The following COMMD10 variants were observed in gnomAD, a reference collection of about 807,000 sequenced individuals.
The protein encoded by COMMD10 is COMM domain containing 10.
In COMMD10, 33 loss-of-function variants were observed where a neutral mutation model predicts 28.9. The ratio of observed to expected loss-of-function variants is 1.14; its 90% CI spans 0.87 to 1.53. The LOEUF (loss-of-function observed/expected upper bound fraction) is 1.53, where lower values mean the gene tolerates loss of function less well. Among genes scored for constraint, COMMD10 ranks in the 40% most tolerant of loss-of-function variants. The pLI is 0.00. For missense variants in COMMD10, 310 were observed against 233.4 expected (o/e 1.33, Z -2.14); for synonymous variants, 110 against 81.7 (o/e 1.35, Z -1.87).
At chr5:116,239,987 G>T (rs190933479) in intron 5 of COMMD10, among the ~76,000 whole-genome samples, 3 of 152,202 alleles carry the variant, frequency 2.0e-5, no homozygotes, top group African/African-American at 7.2e-5. Flanking sequence ...TAGTCTCAGA[G>T]TAGAAGAGTT....
intron 5 of COMMD10, among the ~76,000 whole-genome samples, chr5:116,187,704 G>A (rs758799519): frequency 9.2e-5 from 14 of 152,024 alleles, no homozygotes; most frequent in South Asian, 2.1e-4. Flanking sequence ...TATAGTTTGT[G>A]TTTAACTGAG....
At chr5:116,260,813 C>A (rs1424516977) in intron 5 of COMMD10, among the ~76,000 whole-genome samples, 2 of 151,620 alleles carry the variant, frequency 1.3e-5, no homozygotes, top group Non-Finnish European at 2.9e-5. Flanking sequence ...TATTTTGAAA[C>A]AAAGTTTGCT....
chr5:116,206,681 T>A (rs1280300809), intron 5 of COMMD10, among the ~76,000 whole-genome samples: 1 of 151,900 alleles, frequency 6.6e-6, no homozygotes, highest in African/African-American at 2.4e-5. Context: ...AAGAAAAAAA[T>A]TGGAGACAGC....
At position 116,125,974 on chromosome 5, in the gene COMMD10, G is replaced by C. The variant is rs548342399; in HGVS notation, c.400-8094G>C. ...AATAAAGGGTATTCAGTTAGGAAAA[G>C]AAGAAGTCAAATTTTCCCTGTTTGC... is the stretch of plus-strand genomic sequence containing the variant. On this transcript the variant is annotated intron_variant, in intron 4 of 6. Coordinates refer to ENST00000274458, the MANE Select transcript of COMMD10 (RefSeq NM_016144.4). Among the ~76,000 whole-genome samples, 7 of 152,306 alleles carry C rather than the reference G, an allele frequency of 4.6e-5. No individual in the cohort carries two copies. The East Asian group carries it at 1.2e-3, about 25-fold the overall frequency.
At chr5:116,254,724 G>A (rs553267316) in intron 5 of COMMD10, among the ~76,000 whole-genome samples, 1 of 151,832 alleles carries the variant, frequency 6.6e-6, no homozygotes, top group Admixed American at 6.6e-5. Context: ...CCAAGTATGT[G>A]GTCAGTTTTG....
chr5:116,086,860 C>G (rs868200065), intron 1 of COMMD10, among the ~76,000 whole-genome samples: 5 of 152,160 alleles, frequency 3.3e-5, no homozygotes, highest in African/African-American at 9.7e-5. Context: ...GCATGTAGTT[C>G]TAGCTACTTG....
chr5:116,102,683 A>T (rs555809632), intron 4 of COMMD10, among the ~76,000 whole-genome samples: 8 of 152,234 alleles, frequency 5.3e-5, no homozygotes, highest in Non-Finnish European at 8.8e-5. Context: ...TTTTATTATT[A>T]TGTTTTAAGT....
At chr5:116,101,969 C>G (rs1750680139) in intron 4 of COMMD10, among the ~76,000 whole-genome samples, 1 of 152,148 alleles carries the variant, frequency 6.6e-6, no homozygotes, top group African/African-American at 2.4e-5. Flanking sequence ...GGTCCTCTGT[C>G]AGGTGCATAG....
At chr5:116,171,524 C>G (rs886932832) in intron 5 of COMMD10, among the ~76,000 whole-genome samples, 1 of 152,126 alleles carries the variant, frequency 6.6e-6, no homozygotes, top group East Asian at 1.9e-4. Context: ...AAGACACATG[C>G]ACGTGTATGT....
At chr5:116,251,071 C>G (rs1239146838) in intron 5 of COMMD10, among the ~76,000 whole-genome samples, 2 of 151,932 alleles carry the variant, frequency 1.3e-5, no homozygotes, top group Non-Finnish European at 2.9e-5. Flanking sequence ...GTGCACAGAG[C>G]TCCTAGTTAA....
chr5:116,102,681 T>C (rs1750703063), intron 4 of COMMD10, among the ~76,000 whole-genome samples: 1 of 152,190 alleles, frequency 6.6e-6, no homozygotes, highest in African/African-American at 2.4e-5. Flanking sequence ...CTTTTTATTA[T>C]TATGTTTTAA....
intron 3 of COMMD10, 79 bp downstream of exon 3, chr5:116,091,268 G>C (rs1221093966): frequency 1.6e-6 from 1 of 622,648 alleles, no homozygotes; most frequent in Non-Finnish European, 2.6e-6. Context: ...ATGACATTCT[G>C]TTTTTTTTAA....
chr5:116,085,306 G>T, intron 1 of COMMD10: 1 of 570,664 alleles, frequency 1.8e-6, no homozygotes. Flanking sequence ...CACCTGTGGG[G>T]CTCACAGTGC....
intron 5 of COMMD10, among the ~76,000 whole-genome samples, chr5:116,151,342 C>G (rs1007411618): frequency 2.0e-5 from 3 of 151,806 alleles, no homozygotes; most frequent in African/African-American, 7.3e-5. Context: ...TGTCTCTGCC[C>G]AGCTTTGGTA....
At chr5:116,270,645 A>G (rs1243091546) in intron 5 of COMMD10, among the ~76,000 whole-genome samples, 5 of 151,936 alleles carry the variant, frequency 3.3e-5, no homozygotes, top group African/African-American at 1.2e-4. Flanking sequence ...TAAAGGTTAT[A>G]TATAAATTAG....
chr5:116,255,762 G>GA (rs1395566072), intron 5 of COMMD10: 5 of 133,450 alleles, frequency 3.7e-5, no homozygotes. Context: ...TATCTTACAG[G>GA]CAAAAAAGAT....
At position 116,292,769 on chromosome 5, in the gene COMMD10, A is replaced by G. The variant is rs750802534; in HGVS notation, c.*280A>G. 3 of 404,554 alleles carry G rather than the reference A, an allele frequency of 7.4e-6. No individual in the cohort carries two copies. The highest frequency in any genetic ancestry group is 1.3e-5 in the Non-Finnish European group (3 of 229,676). The allele number at this position is 404,554 out of a possible 1,614,324, so 25.1% of individuals were successfully genotyped here. A position where few individuals can be genotyped will look rare whatever the true frequency, so the allele number is the denominator to read the frequency against. The stretch of plus-strand genomic sequence containing the variant: ...AATACCATATTGTTTTTACTGTCAT[A>G]GTGTTGCTTTCTTGCCTGTCCTGCT... On this transcript the variant is annotated 3_prime_UTR_variant, in exon 7 of 7. Coordinates refer to ENST00000274458, the MANE Select transcript of COMMD10 (RefSeq NM_016144.4).
chr5:116,101,667 C>A (rs564725616), intron 4 of COMMD10, among the ~76,000 whole-genome samples: 1 of 152,096 alleles, frequency 6.6e-6, no homozygotes, highest in South Asian at 2.1e-4. Context: ...CCTTGTGATC[C>A]GCTTGCCTCA....
chr5:116,180,895 C>T (rs1001034256), intron 5 of COMMD10, among the ~76,000 whole-genome samples: 1 of 152,168 alleles, frequency 6.6e-6, no homozygotes, highest in East Asian at 1.9e-4. Flanking sequence ...GCTCATGTCT[C>T]TCATCCCAGC....
Sources: gnomAD v4.1 joint callset for allele counts (sites outside exome capture counted in the v4.1 genomes callset) on GRCh38, gnomAD v4.1.1 for gene constraint, MANE v1.5 for transcripts, NCBI Gene and HGNC (gene_info 2026-07-23, HGNC 2026-07-21) for gene names.